Variants in FAM171B observed in about 807,000 individuals in gnomAD.
FAM171B encodes protein FAM171B.
In FAM171B, 19 loss-of-function variants were observed where a neutral mutation model predicts 75.6. The ratio of observed to expected loss-of-function variants is 0.25; its 90% CI spans 0.18 to 0.37. The LOEUF (loss-of-function observed/expected upper bound fraction) is 0.37, where lower values mean the gene tolerates loss of function less well. FAM171B is among the 10% of genes least tolerant of loss of function. The probability of loss-of-function intolerance (pLI) is 1.00; values close to 1 mark genes in which losing one functional copy is unlikely to be tolerated. For missense variants in FAM171B, 848 were observed against 982.4 expected, an observed-to-expected ratio of 0.86 and a Z score of 1.83; for synonymous variants, 367 against 361.7, an observed-to-expected ratio of 1.01 and a Z score of -0.17.
At chr2:186,748,910 G>A (rs186016510) in intron 4 of FAM171B, among the ~76,000 whole-genome samples, 26 of 152,202 alleles carry the variant, frequency 1.7e-4, no homozygotes, top group Admixed American at 1.2e-3. Context: ...AGCTCATGGC[G>A]CTGGAGGATG....
chr2:186,726,863 T>G (rs1356822238), intron 1 of FAM171B, among the ~76,000 whole-genome samples: 1 of 152,210 alleles, frequency 6.6e-6, no homozygotes, highest in East Asian at 1.9e-4. Context: ...TAAAATATTT[T>G]TCAATGTCAA....
chr2:186,727,255 A>G (rs921922431), intron 1 of FAM171B, among the ~76,000 whole-genome samples: 14 of 152,326 alleles, frequency 9.2e-5, no homozygotes, highest in Non-Finnish European at 1.9e-4. Context: ...GTCAGTACAG[A>G]AGAGGAGATC....
chr2:186,739,973 A>G (rs1029239481), intron 1 of FAM171B, among the ~76,000 whole-genome samples: 5 of 152,218 alleles, frequency 3.3e-5, no homozygotes, highest in Admixed American at 2.0e-4. Context: ...TTTTAGTGCC[A>G]TCATAATCTT....
At chr2:186,711,982 T>G (rs1384813942) in intron 1 of FAM171B, among the ~76,000 whole-genome samples, 1 of 152,232 alleles carries the variant, frequency 6.6e-6, no homozygotes, top group East Asian at 1.9e-4. Flanking sequence ...GTTTATCTTG[T>G]CTTTCTCTTG....
At chr2:186,719,536 A>G (rs1468570728) in intron 1 of FAM171B, among the ~76,000 whole-genome samples, 1 of 152,228 alleles carries the variant, frequency 6.6e-6, no homozygotes, top group East Asian at 1.9e-4. Context: ...TAATCTATCA[A>G]GAGACTGTTG....
chr2:186,763,673 A>G lies in FAM171B; in HGVS notation c.*850A>G, dbSNP rs1331243359. Reference sequence around the variant, plus strand: ...ACTTTTAGGCTAAATTGGTTTTAATATATTTCTTCTATTCTAAAAACCTGA... The same window carrying G: ...ACTTTTAGGCTAAATTGGTTTTAATGTATTTCTTCTATTCTAAAAACCTGA... On this transcript the variant is annotated 3_prime_UTR_variant, in exon 8 of 8. Transcript: ENST00000304698. 2 of 152,096 alleles carry G rather than the reference A, an allele frequency of 1.3e-5. No homozygotes were observed. Among genetic ancestry groups the G allele is most frequent in the Non-Finnish European group, 2.9e-5 (2 of 67,988 alleles). 9.4% of individuals were successfully genotyped at this position (152,096 alleles called of 1,614,324 possible).
intron 1 of FAM171B, among the ~76,000 whole-genome samples, chr2:186,702,076 TG>T (rs1689669891): frequency 6.6e-6 from 1 of 152,230 alleles, no homozygotes; most frequent in Non-Finnish European, 1.5e-5. Context: ...TGTGTGGTCA[TG>T]AAATGCAGTC....
At chr2:186,715,116 TACA>T (rs1166806596) in intron 1 of FAM171B, among the ~76,000 whole-genome samples, 1 of 152,208 alleles carries the variant, frequency 6.6e-6, no homozygotes, top group Admixed American at 6.5e-5. Flanking sequence ...TCACATTCAG[TACA>T]ACAAGGGCAG....
At chr2:186,745,738 A>G (rs1234481243) in intron 3 of FAM171B, among the ~76,000 whole-genome samples, 1 of 152,254 alleles carries the variant, frequency 6.6e-6, no homozygotes, top group Admixed American at 6.5e-5. Flanking sequence ...AAAACCTTAC[A>G]GAAGCTCAGC....
At chr2:186,745,095 G>T (rs1025444965) in intron 3 of FAM171B, among the ~76,000 whole-genome samples, 1 of 152,198 alleles carries the variant, frequency 6.6e-6, no homozygotes, top group Non-Finnish European at 1.5e-5. Flanking sequence ...CTCCCAAAGT[G>T]CTGGGAGCTG....
chr2:186,727,244 G>A (rs1460205063), intron 1 of FAM171B, among the ~76,000 whole-genome samples: 2 of 152,260 alleles, frequency 1.3e-5, no homozygotes, highest in Middle Eastern at 3.4e-3. Flanking sequence ...TCATTAATCT[G>A]GTCAGTACAG....
chr2:186,703,806 G>A (rs1438903991), intron 1 of FAM171B, among the ~76,000 whole-genome samples: 3 of 151,576 alleles, frequency 2.0e-5, no homozygotes, highest in East Asian at 3.9e-4. Context: ...TTTAATAAAT[G>A]TCTGGGTGAC....
chr2:186,747,325 C>G (rs1690379370), intron 4 of FAM171B, 75 bp downstream of exon 4: 1 of 975,884 alleles, frequency 1.0e-6, no homozygotes, highest in Non-Finnish European at 1.4e-6. Flanking sequence ...ATTTAGCTAT[C>G]TATAATAGCT....
intron 1 of FAM171B, among the ~76,000 whole-genome samples, chr2:186,699,416 T>C (rs1195347491): frequency 6.6e-6 from 1 of 152,178 alleles, no homozygotes; most frequent in East Asian, 1.9e-4. Flanking sequence ...TTGCCATTTG[T>C]GTGTTTTCTT....
At chr2:186,708,952 A>G in intron 1 of FAM171B, among the ~76,000 whole-genome samples, 1 of 152,192 alleles carries the variant, frequency 6.6e-6, no homozygotes, top group Non-Finnish European at 1.5e-5. Flanking sequence ...AATTTTTAAG[A>G]AAGGAGGTTT....
chr2:186,713,950 CA>C (rs1439703380), intron 1 of FAM171B, among the ~76,000 whole-genome samples: 2 of 152,178 alleles, frequency 1.3e-5, no homozygotes, highest in Non-Finnish European at 2.9e-5. Context: ...AATAAGCCAA[CA>C]AATACTGGCT....
chr2:186,748,267 A>G (rs567250762), intron 4 of FAM171B, among the ~76,000 whole-genome samples: 1 of 149,324 alleles, frequency 6.7e-6, no homozygotes, highest in East Asian at 2.0e-4. Context: ...CTGAAAATCC[A>G]CTGTTTAAAA....
intron 1 of FAM171B, among the ~76,000 whole-genome samples, chr2:186,731,129 A>G (rs1690107295): frequency 6.6e-6 from 1 of 152,176 alleles, no homozygotes; most frequent in Non-Finnish European, 1.5e-5. Context: ...ATTCCTTCAC[A>G]TTCTGTAACA....
Position 186,761,142 on chromosome 2 carries a change from A to T in FAM171B, c.1042A>T (p.Ile348Leu). 6.2e-7 allele frequency: 1 copy of T among 1,611,722 alleles called. No individual in the cohort carries two copies. Among genetic ancestry groups the T allele is most frequent in the Non-Finnish European group, 8.5e-7 (1 of 1,178,870 alleles). The change falls in exon 7 of 8, where the codon ATA becomes TTA. Residue 348 changes from isoleucine (I) to leucine (L), a missense_variant. Ile to Leu is a conservative substitution (Grantham distance 5). This residue lies in a region of FAM171B where 665 missense variants were observed against 729.0 expected (regional missense o/e 0.91). Transcript: ENST00000304698. ...AGGTATAAATGAAGATTCCAAGGAC[A>T]TAACTGCCTACCACACAGTGTTTCT... is the stretch of plus-strand genomic sequence containing the variant. ...GSGINEDSKD[I>L]TAYHTVFLTA...
Sources: allele counts gnomAD v4.1 joint callset (sites outside exome capture counted in the v4.1 genomes callset), GRCh38; gene constraint gnomAD v4.1.1; regional missense constraint gnomAD v4.1.1; transcripts MANE v1.5; gene names NCBI Gene and HGNC (gene_info 2026-07-23, HGNC 2026-07-21).